CLVS1: variants seen among roughly 807,000 people sequenced by gnomAD.
The protein encoded by CLVS1 is clavesin 1.
CLVS1 carries 10 observed loss-of-function variants against 33.1 expected under a neutral mutation model. That is an observed-to-expected ratio of 0.30 (90% CI 0.19 to 0.51). The LOEUF (loss-of-function observed/expected upper bound fraction) is 0.51, where lower values mean the gene tolerates loss of function less well. Among genes scored for constraint, CLVS1 ranks in the 20% least tolerant of loss-of-function variants. CLVS1 has a pLI of 0.97. For missense variants in CLVS1, 343 were observed against 433.4 expected (o/e 0.79, Z 1.85); for synonymous variants, 163 against 166.1 (o/e 0.98, Z 0.14).
intron 2 of CLVS1, among the ~76,000 whole-genome samples, chr8:61,189,367 A>G (rs982806344): frequency 2.6e-5 from 4 of 152,208 alleles, no homozygotes; most frequent in Admixed American, 2.0e-4. Flanking sequence ...AGAGCTCCTG[A>G]AGGAAGCACT....
intron 2 of CLVS1, among the ~76,000 whole-genome samples, chr8:61,137,800 C>T (rs1806217246): frequency 6.6e-6 from 1 of 152,224 alleles, no homozygotes; most frequent in South Asian, 2.1e-4. Flanking sequence ...CAGGTGCTCA[C>T]TGCTTTGCCC....
intron 2 of CLVS1, among the ~76,000 whole-genome samples, chr8:61,246,959 A>T (rs114441320): frequency 0.032 from 4,863 of 150,882 alleles, 248 homozygotes; most frequent in African/African-American, 0.11. Flanking sequence ...CCCTCTTCCC[A>T]CCCTCCCCAC....
At chr8:61,308,410 C>T (rs541264799) in intron 2 of CLVS1, among the ~76,000 whole-genome samples, 4 of 152,168 alleles carry the variant, frequency 2.6e-5, no homozygotes, top group African/African-American at 9.6e-5. Context: ...ATCCATGGAG[C>T]TTCTGAAAGA....
At position 61,432,456 on chromosome 8, in the gene CLVS1, G is replaced by A. The variant is rs144616070; in HGVS notation, c.631-21685G>A. ...ACCCTAATTCAACATGATTGGTGTC[G>A]TTATAACAAGAGGAGATTAGGACAT... On this transcript the variant is annotated intron_variant, in intron 3 of 5. Transcript: ENST00000325897. Among the ~76,000 whole-genome samples the A allele has an allele frequency of 5.9e-5, 9 of 151,884 alleles. No individual in the cohort carries two copies. The East Asian group carries it at 7.7e-4, about 13-fold the overall frequency.
At chr8:61,092,240 C>T (rs888929585) in intron 1 of CLVS1, among the ~76,000 whole-genome samples, 3 of 152,118 alleles carry the variant, frequency 2.0e-5, no homozygotes, top group African/African-American at 7.2e-5. Flanking sequence ...GTTTATGTCC[C>T]TGTATCAGTA....
chr8:61,033,526 AG>A, the CLVS1 span, among the ~76,000 whole-genome samples: 1 of 152,150 alleles, frequency 6.6e-6, no homozygotes, highest in Non-Finnish European at 1.5e-5. Context: ...TTACTGGGTG[AG>A]GGGGGAAACC....
intron 2 of CLVS1, among the ~76,000 whole-genome samples, chr8:61,218,793 A>AT (rs1808146819): frequency 3.5e-5 from 4 of 115,746 alleles, no homozygotes; most frequent in Non-Finnish European, 6.6e-5. Context: ...AAAAAAAAAA[A>AT]AAAAGCTGGG....
chr8:61,122,549 ACAT>A (rs1664159608), intron 1 of CLVS1, among the ~76,000 whole-genome samples: 1 of 148,336 alleles, frequency 6.7e-6, no homozygotes, highest in South Asian at 2.2e-4. Context: ...CGTGTGAATG[ACAT>A]CAGCCTATAT....
At chr8:61,135,150 C>A (rs1161497217) in intron 2 of CLVS1, among the ~76,000 whole-genome samples, 1 of 151,368 alleles carries the variant, frequency 6.6e-6, no homozygotes, top group Non-Finnish European at 1.5e-5. Flanking sequence ...GAAAAGACTT[C>A]CAAGCAGAAG....
chr8:61,130,944 C>T (rs1462697240), intron 1 of CLVS1, among the ~76,000 whole-genome samples: 1 of 152,234 alleles, frequency 6.6e-6, no homozygotes, highest in East Asian at 1.9e-4. Context: ...ATCATTCATA[C>T]AGTGAGGCAG....
intron 2 of CLVS1, among the ~76,000 whole-genome samples, chr8:61,184,683 C>A (rs1037314128): frequency 6.6e-6 from 1 of 152,078 alleles, no homozygotes; most frequent in Non-Finnish European, 1.5e-5. Context: ...CCCACCATCC[C>A]ACCGCCAAAC....
At chr8:61,420,493 T>G in intron 3 of CLVS1, among the ~76,000 whole-genome samples, 1 of 151,976 alleles carries the variant, frequency 6.6e-6, no homozygotes, top group East Asian at 1.9e-4. Flanking sequence ...TCCGAGCTAC[T>G]CGGGAGGCTG....
chr8:61,221,467 G>A (rs1157991205), intron 2 of CLVS1, among the ~76,000 whole-genome samples: 3 of 152,144 alleles, frequency 2.0e-5, no homozygotes, highest in Non-Finnish European at 4.4e-5. Flanking sequence ...CTTTGGTTCT[G>A]TTTATGTGAT....
chr8:61,313,121 T>A (rs1810893042), intron 2 of CLVS1, among the ~76,000 whole-genome samples: 1 of 152,046 alleles, frequency 6.6e-6, no homozygotes, highest in African/African-American at 2.4e-5. Flanking sequence ...TCTTATAATG[T>A]GGGGAAAATG....
intron 1 of CLVS1, among the ~76,000 whole-genome samples, chr8:61,100,346 G>C (rs1030870382): frequency 8.5e-5 from 13 of 152,224 alleles, no homozygotes; most frequent in African/African-American, 3.1e-4. Flanking sequence ...AATAAAGCTA[G>C]TGAGTGGTCT....
chr8:61,350,391 C>T (rs1212566903), intron 2 of CLVS1, among the ~76,000 whole-genome samples: 1 of 152,132 alleles, frequency 6.6e-6, no homozygotes, highest in Non-Finnish European at 1.5e-5. Flanking sequence ...AGCTATTTCT[C>T]TTACAACTCT....
At chr8:61,490,961 CAAAAAAAAAAA>C (rs1177729389) in intron 5 of CLVS1, among the ~76,000 whole-genome samples, 1 of 123,074 alleles carries the variant, frequency 8.1e-6, no homozygotes, top group African/African-American at 3.1e-5. Context: ...ACTCCATCTC[CAAAAAAAAAAA>C]GAAAAAAAAA....
intron 2 of CLVS1, among the ~76,000 whole-genome samples, chr8:61,237,152 C>T (rs768155749): frequency 7.2e-5 from 11 of 152,132 alleles, no homozygotes; most frequent in Non-Finnish European, 8.8e-5. Context: ...CAAGAGAAGT[C>T]CAGTGAACTA....
chr8:61,096,452 A>G (rs1805352477), intron 1 of CLVS1, among the ~76,000 whole-genome samples: 1 of 152,256 alleles, frequency 6.6e-6, no homozygotes, highest in African/African-American at 2.4e-5. Flanking sequence ...TTGTTTTAGA[A>G]TACAAAAAGA....
Sources: gnomAD v4.1 joint callset for allele counts (sites outside exome capture counted in the v4.1 genomes callset) on GRCh38, gnomAD v4.1.1 for gene constraint, MANE v1.5 for transcripts, NCBI Gene and HGNC (gene_info 2026-07-23, HGNC 2026-07-21) for gene names.